ABTB2: variants seen among roughly 807,000 people sequenced by gnomAD.
ABTB2 encodes ankyrin repeat and BTB domain containing 2.
ABTB2 carries 56 observed loss-of-function variants against 104.1 expected under a neutral mutation model. That is an observed-to-expected ratio of 0.54 (90% CI 0.43 to 0.67). ABTB2 has a LOEUF of 0.67. Ranked by LOEUF, ABTB2 falls within the 30% of genes least tolerant of loss-of-function variation. The probability of loss-of-function intolerance (pLI) is 0.00; values close to 1 mark genes in which losing one functional copy is unlikely to be tolerated. For synonymous variants in ABTB2, 606 were observed against 608.2 expected (o/e 1.00, Z 0.05); for missense variants, 1,279 against 1,407.7 (o/e 0.91, Z 1.46).
chr11:34,192,982 C>T (rs971804751), intron 3 of ABTB2, among the ~76,000 whole-genome samples: 1 of 152,234 alleles, frequency 6.6e-6, no homozygotes, highest in African/African-American at 2.4e-5. Flanking sequence ...ATCCTTACTG[C>T]CCCAGACCTC....
At chr11:34,346,324 C>T (rs1044831195) in intron 1 of ABTB2, among the ~76,000 whole-genome samples, 2 of 151,770 alleles carry the variant, frequency 1.3e-5, no homozygotes, top group African/African-American at 4.8e-5. Flanking sequence ...TCTGGGTAGG[C>T]GGGCTTCAAG....
In ABTB2 at chr11:34,329,369, C is replaced by T. The variant is rs150253432; in HGVS notation, c.883+27332G>A. Among the ~76,000 whole-genome samples the T allele has an allele frequency of 3.2e-3, 495 of 152,310 alleles. 3 individuals are homozygous for T. Among genetic ancestry groups the T allele is most frequent in the African/African-American group, 0.012 (483 of 41,578 alleles). On this transcript the variant is annotated intron_variant, in intron 1 of 16. Transcript: ENST00000435224. Reference sequence around the variant, plus strand: ...TCCAGATCCATCTTCCATCCCACTTCCCACTCCACCCCCCTGCCCAGATCA... The same window carrying T: ...TCCAGATCCATCTTCCATCCCACTTTCCACTCCACCCCCCTGCCCAGATCA...
chr11:34,270,340 C>CTT lies in ABTB2; in HGVS notation c.884-65652_884-65651dup, dbSNP rs35884906. ...CTGTTCACCACTGTAGACGGTTTTC[C>CTT]TTTTTTTTTTTTTTTTTGAGATGGA... On this transcript the variant is annotated intron_variant, in intron 1 of 16. Transcript: ENST00000435224. Among the ~76,000 whole-genome samples the CTT allele has an allele frequency of 1.5e-3, 203 of 137,400 alleles. 1 individual carries two copies. Among genetic ancestry groups the CTT allele is most frequent in the African/African-American group, 3.7e-3 (140 of 37,576 alleles). The allele number at this position is 137,400 out of a possible 152,430, so 90.1% of individuals were successfully genotyped here.
At chr11:34,239,044 C>A (rs1212512211) in intron 1 of ABTB2, among the ~76,000 whole-genome samples, 1 of 152,206 alleles carries the variant, frequency 6.6e-6, no homozygotes, top group Non-Finnish European at 1.5e-5. Context: ...TGAGCCACCA[C>A]GCCCAGCCCA....
intron 1 of ABTB2, among the ~76,000 whole-genome samples, chr11:34,248,598 G>C (rs918876529): frequency 6.6e-6 from 1 of 152,222 alleles, no homozygotes; most frequent in African/African-American, 2.4e-5. Flanking sequence ...TCTGCCTTCA[G>C]AGGAAAACCA....
At chr11:34,215,304 T>A (rs1402048800) in intron 1 of ABTB2, among the ~76,000 whole-genome samples, 3 of 152,134 alleles carry the variant, frequency 2.0e-5, no homozygotes, top group African/African-American at 7.2e-5. Context: ...GGGTGTGACC[T>A]CTCAGTGCCA....
intron 1 of ABTB2, among the ~76,000 whole-genome samples, chr11:34,307,527 A>T (rs75006411): frequency 6.6e-6 from 1 of 152,226 alleles, no homozygotes; most frequent in African/African-American, 2.4e-5. Context: ...GAGTTTGAGC[A>T]GTCAACAGAA....
chr11:34,208,182 A>T (rs1375440147), intron 1 of ABTB2, among the ~76,000 whole-genome samples: 1 of 152,154 alleles, frequency 6.6e-6, no homozygotes, highest in African/African-American at 2.4e-5. Flanking sequence ...TCCTTTCCCC[A>T]CACAAATTCC....
chr11:34,286,932 G>A (rs937691627), intron 1 of ABTB2, among the ~76,000 whole-genome samples: 2 of 152,176 alleles, frequency 1.3e-5, no homozygotes, highest in Non-Finnish European at 2.9e-5. Context: ...GGTGGTTGCC[G>A]GGGCTGGGGG....
chr11:34,356,109 G>GT lies in ABTB2; in HGVS notation c.883+591dup, dbSNP rs1855461470. 6.6e-6 allele frequency among the ~76,000 whole-genome samples: 1 copy of GT among 152,146 alleles called. No homozygotes were observed. Among genetic ancestry groups the GT allele is most frequent in the Non-Finnish European group, 1.5e-5 (1 of 68,026 alleles). The stretch of plus-strand genomic sequence containing the variant: ...TTTCATCATTCCTGGGCACATATAG[G>GT]TAAGAGCGAACCACTACCCCTCCAT... On this transcript the variant is annotated intron_variant, in intron 1 of 16. Transcript: ENST00000435224. This position sits in a 1 kb window ranked among gnomAD's most constrained non-coding sequence, Gnocchi z 4.6.
intron 1 of ABTB2, among the ~76,000 whole-genome samples, chr11:34,243,412 C>T (rs942275096): frequency 2.6e-5 from 4 of 152,166 alleles, no homozygotes; most frequent in Non-Finnish European, 5.9e-5. Context: ...GCTGGGATTA[C>T]AGGCGTGAGC....
rs545252082 is a variant in ABTB2, at chr11:34,335,180, A to C, written c.883+21521T>G. On this transcript the variant is annotated intron_variant, in intron 1 of 16. Transcript: ENST00000435224. ...TTGCATTAGTGAAGATGCTTCCTAC[A>C]ACTACACGGGTACCCCAGAGACTAT... The C allele has an allele frequency of 4.4e-5, 56 of 1,269,384 alleles. 1 individual carries two copies. The South Asian group carries it at 6.6e-4, about 15-fold the overall frequency. The allele number at this position is 1,269,384 out of a possible 1,614,324, so 78.6% of individuals were successfully genotyped here.
chr11:34,232,492 C>T (rs17255930), intron 1 of ABTB2, among the ~76,000 whole-genome samples: 16,119 of 150,428 alleles, frequency 0.11, 1,134 homozygotes, highest in Non-Finnish European at 0.16. Flanking sequence ...ACATTTAAAT[C>T]CTAGAGAAAA....
intron 1 of ABTB2, among the ~76,000 whole-genome samples, chr11:34,349,802 A>G (rs751781582): frequency 6.6e-6 from 1 of 152,208 alleles, no homozygotes; most frequent in Non-Finnish European, 1.5e-5. Context: ...AGACAACCTC[A>G]TGACAAAACA....
intron 9 of ABTB2, 123 bp from the exon 10 acceptor site, chr11:34,162,928 T>C (rs1852744340): frequency 1.1e-6 from 1 of 917,408 alleles, no homozygotes; most frequent in African/African-American, 1.7e-5. Flanking sequence ...GCTCGGAGTT[T>C]CATGGTCTTC....
At chr11:34,220,346 A>G (rs887541953) in intron 1 of ABTB2, among the ~76,000 whole-genome samples, 5 of 152,210 alleles carry the variant, frequency 3.3e-5, no homozygotes, top group Non-Finnish European at 7.3e-5. Context: ...CCTGGTGGAC[A>G]TCTTCCCAGG....
At chr11:34,158,000 G>T (rs1852653147) in intron 14 of ABTB2, among the ~76,000 whole-genome samples, 1 of 152,226 alleles carries the variant, frequency 6.6e-6, no homozygotes, top group South Asian at 2.1e-4. Context: ...TCTACCAAGA[G>T]GGGATAATAA....
In ABTB2 at chr11:34,250,979, G is replaced by GGTCA. The variant is rs1306763967; in HGVS notation, c.884-46290_884-46289insTGAC. 2.0e-5 allele frequency among the ~76,000 whole-genome samples: 3 copies of GGTCA among 152,172 alleles called. No individual in the cohort carries two copies. In the East Asian group the frequency reaches 5.8e-4, roughly 29 times the overall value. On this transcript the variant is annotated intron_variant, in intron 1 of 16. Coordinates refer to ENST00000435224, the MANE Select transcript of ABTB2 (RefSeq NM_145804.3). ...AAAGGCAAAGCAAGACTCACATCCA[G>GGTCA]GTCTGTCTGCCATCAAACATGTGTT...
At chr11:34,272,005 T>C (rs1281604123) in intron 1 of ABTB2, among the ~76,000 whole-genome samples, 1 of 152,126 alleles carries the variant, frequency 6.6e-6, no homozygotes, top group Non-Finnish European at 1.5e-5. Context: ...TACCAGGTGC[T>C]TTTTCTGATT....
Sources: allele counts gnomAD v4.1 joint callset (sites outside exome capture counted in the v4.1 genomes callset), GRCh38; gene constraint gnomAD v4.1.1; non-coding constraint Gnocchi (gnomAD v3.1); transcripts MANE v1.5; gene names NCBI Gene and HGNC (gene_info 2026-07-23, HGNC 2026-07-21).